Variants in APTX observed in about 807,000 individuals in gnomAD.
The protein encoded by APTX is aprataxin.
APTX carries 33 observed loss-of-function variants against 42.3 expected under a neutral mutation model. The observed-to-expected ratio is 0.78, with a 90% CI of 0.59 to 1.04. APTX has a LOEUF of 1.04. Ranked by LOEUF, APTX falls within the 50% of genes least tolerant of loss-of-function variation. The probability of loss-of-function intolerance (pLI) is 0.00; values close to 1 mark genes in which losing one functional copy is unlikely to be tolerated. For synonymous variants in APTX, 130 were observed against 146.7 expected (o/e 0.89, Z 0.82); for missense variants, 421 against 415.1 (o/e 1.01, Z -0.12).
intron 1 of APTX, among the ~76,000 whole-genome samples, chr9:32,994,257 C>T (rs1471433915): frequency 1.3e-5 from 2 of 152,178 alleles, no homozygotes; most frequent in Admixed American, 6.5e-5. Context: ...AACAGAGAAA[C>T]TACATTTTTT....
intron 5 of APTX, among the ~76,000 whole-genome samples, chr9:32,985,537 T>C (rs1471204545): frequency 1.3e-5 from 2 of 152,046 alleles, no homozygotes; most frequent in Non-Finnish European, 2.9e-5. Flanking sequence ...GGTTTCTCCA[T>C]GTTGGTCAGG....
At position 32,973,257 on chromosome 9, in the gene APTX, G is replaced by A. The variant is rs1161819366; in HGVS notation, c.*241C>T. On this transcript the variant is annotated 3_prime_UTR_variant, in exon 8 of 8. Coordinates refer to ENST00000379817, the MANE Select transcript of APTX (RefSeq NM_001195248.2). The stretch of plus-strand genomic sequence containing the variant: ...ACCTGACATGGGTCCTTCTGAAGAT[G>A]GTGGGTCAGGTATATCCCAGCCACC... 1 of 610,544 alleles carries A rather than the reference G, an allele frequency of 1.6e-6. No individual in the cohort carries two copies. 37.8% of individuals were successfully genotyped at this position (610,544 alleles called of 1,614,324 possible). A position where few individuals can be genotyped will look rare whatever the true frequency, so the allele number is the denominator to read the frequency against.
intron 1 of APTX, among the ~76,000 whole-genome samples, chr9:32,993,548 T>G (rs1310234998): frequency 6.6e-6 from 1 of 152,180 alleles, no homozygotes; most frequent in Admixed American, 6.5e-5. Flanking sequence ...CAAATGCTAT[T>G]TACTCTCTGC....
intron 1 of APTX, among the ~76,000 whole-genome samples, chr9:32,990,355 T>C (rs1404405455): frequency 2.0e-5 from 3 of 152,106 alleles, no homozygotes; most frequent in Non-Finnish European, 2.9e-5. Context: ...GTATTTTTAG[T>C]GGAGACAGGG....
At chr9:33,021,206 A>G (rs1282388738) in intron 1 of APTX, among the ~76,000 whole-genome samples, 2 of 152,100 alleles carry the variant, frequency 1.3e-5, no homozygotes, top group Non-Finnish European at 2.9e-5. Context: ...CATCCATGAC[A>G]GCAACAACAA....
intron 1 of APTX, among the ~76,000 whole-genome samples, chr9:32,992,055 G>A (rs774511622): frequency 1.1e-4 from 16 of 152,170 alleles, no homozygotes; most frequent in Non-Finnish European, 2.1e-4. Flanking sequence ...GAGGCAAAGA[G>A]AGAGAGGATG....
At chr9:32,999,665 T>C (rs1835788641) in intron 1 of APTX, among the ~76,000 whole-genome samples, 1 of 152,108 alleles carries the variant, frequency 6.6e-6, no homozygotes, top group Non-Finnish European at 1.5e-5. Flanking sequence ...TGACCCTAAT[T>C]TTCTCCATAA....
intron 6 of APTX, among the ~76,000 whole-genome samples, chr9:32,983,383 C>G (rs776328613): frequency 6.6e-6 from 1 of 152,120 alleles, no homozygotes; most frequent in Non-Finnish European, 1.5e-5. Flanking sequence ...GAAAGGGGCA[C>G]AAGGGAACTT....
chr9:33,015,517 C>T (rs1246178833), intron 1 of APTX, among the ~76,000 whole-genome samples: 2 of 152,108 alleles, frequency 1.3e-5, no homozygotes, highest in Admixed American at 6.6e-5. Context: ...CACCATCATG[C>T]CCTGCTAATT....
chr9:32,989,472 G>C, intron 2 of APTX: 1 of 534,554 alleles, frequency 1.9e-6, no homozygotes, highest in South Asian at 1.7e-5. Context: ...TGCCCATTGA[G>C]CAATGTCCCT....
Position 32,988,090 on chromosome 9 carries a change from A to G in APTX, c.173T>C (p.Val58Ala). 1 of 1,614,100 alleles carries G rather than the reference A, an allele frequency of 6.2e-7. No individual in the cohort carries two copies. Among genetic ancestry groups the G allele is most frequent in the East Asian group, 2.2e-5 (1 of 44,880 alleles). ...KAECNKGYVK[V>A]KQVGVNPTSI... ...AGTTATAAATACACCTACCTGCTTTACCTTGACATATCCCTTGTTACACTC... is the reference window on the plus strand; with the variant it reads ...AGTTATAAATACACCTACCTGCTTTGCCTTGACATATCCCTTGTTACACTC... The change falls in exon 3 of 8, where the codon GTA becomes GCA. Residue 58 changes from valine (V) to alanine (A), a missense_variant. Physicochemically the swap from Val to Ala is moderately conservative, Grantham distance 64 (BLOSUM62 0). Coordinates refer to ENST00000379817, the MANE Select transcript of APTX (RefSeq NM_001195248.2).
chr9:33,019,582 C>T (rs1361204070), intron 1 of APTX: 4 of 362,884 alleles, frequency 1.1e-5, no homozygotes, highest in Non-Finnish European at 2.0e-5. Context: ...CAGTACAGGC[C>T]GACCATGAGG....
intron 1 of APTX, among the ~76,000 whole-genome samples, chr9:33,013,055 G>A (rs943871653): frequency 6.6e-6 from 1 of 152,082 alleles, no homozygotes; most frequent in African/African-American, 2.4e-5. Context: ...ACATATAGTA[G>A]GTACTCAATC....
Position 32,989,780 on chromosome 9 carries a change from T to G in APTX, c.112A>C (p.Lys38Gln). The change falls in exon 2 of 8, where the codon AAG (lysine) becomes CAG (glutamine). Residue 38 changes from lysine (K) to glutamine (Q), a missense_variant. Coordinates refer to ENST00000379817, the MANE Select transcript of APTX (RefSeq NM_001195248.2). ...TTACCTTGCTGTCGAGAACATTTCT[T>G]ATCAGTGATCTTGGTCTCTGGGCCA... ...GRGPETKITD[K>Q]KCSRQQVQLK... The G allele has an allele frequency of 6.2e-7, 1 of 1,614,272 alleles. No homozygotes were observed. Among genetic ancestry groups the G allele is most frequent in the Non-Finnish European group, 8.5e-7 (1 of 1,180,050 alleles).
chr9:32,977,401 T>C (rs977300291), intron 6 of APTX, among the ~76,000 whole-genome samples: 2 of 152,162 alleles, frequency 1.3e-5, no homozygotes, highest in Admixed American at 6.5e-5. Context: ...AAAGGATACC[T>C]GGAGCCGAGG....
intron 6 of APTX, among the ~76,000 whole-genome samples, chr9:32,976,840 TAC>T (rs1463052294): frequency 6.6e-6 from 1 of 152,224 alleles, no homozygotes; most frequent in African/African-American, 2.4e-5. Context: ...AAGAAATGAT[TAC>T]AGTTACAGAT....
At position 32,972,911 on chromosome 9, in the gene APTX, C is replaced by G. The variant is rs1828388330; in HGVS notation, c.*587G>C. The G allele has an allele frequency of 2.2e-6, 1 of 454,110 alleles. No homozygotes were observed. Among genetic ancestry groups the G allele is most frequent in the Non-Finnish European group, 4.4e-6 (1 of 226,786 alleles). 28.1% of individuals were successfully genotyped at this position (454,110 alleles called of 1,614,324 possible). A position where few individuals can be genotyped will look rare whatever the true frequency, so the allele number is the denominator to read the frequency against. On this transcript the variant is annotated 3_prime_UTR_variant, in exon 8 of 8. Coordinates refer to ENST00000379817, the MANE Select transcript of APTX (RefSeq NM_001195248.2). Reference sequence around the variant, plus strand: ...CCCACACCATCATCTAGCCTCTTTTCTCACTGTGAAGAACTGATGAGACAG... The same window carrying G: ...CCCACACCATCATCTAGCCTCTTTTGTCACTGTGAAGAACTGATGAGACAG...
chr9:32,973,711 CAAA>C (rs34659850), intron 7 of APTX, 59 bp from the exon 8 acceptor site: 15,099 of 1,294,542 alleles, frequency 0.012, no homozygotes, highest in Middle Eastern at 0.015. Context: ...TATGAGATAC[CAAA>C]AAAAAAAAAA....
At chr9:33,001,783 G>C, upstream of APTX, 1 of 770,318 alleles carries the variant, frequency 1.3e-6, no homozygotes, top group South Asian at 1.6e-5. Context: ...GAGGATCCTG[G>C]AAGTTATGCC....
Sources: gnomAD v4.1 joint callset for allele counts (sites outside exome capture counted in the v4.1 genomes callset) on GRCh38, gnomAD v4.1.1 for gene constraint, MANE v1.5 for transcripts, NCBI Gene and HGNC (gene_info 2026-07-23, HGNC 2026-07-21) for gene names.